PPP2R5A: variants seen among roughly 807,000 people sequenced by gnomAD.
PPP2R5A encodes serine/threonine-protein phosphatase 2A 56 kDa regulatory subunit alpha isoform.
A neutral mutation model predicts 64.2 loss-of-function variants in PPP2R5A; 25 were observed. That is an observed-to-expected ratio of 0.39 (90% CI 0.28 to 0.54). PPP2R5A has a LOEUF of 0.54. Among genes scored for constraint, PPP2R5A ranks in the 20% least tolerant of loss-of-function variants. PPP2R5A has a pLI of 0.67. For synonymous variants in PPP2R5A, 198 were observed against 201.2 expected (o/e 0.98, Z 0.13); for missense variants, 425 against 576.3 (o/e 0.74, Z 2.69).
rs1294703013 is a variant in PPP2R5A, at chr1:212,361,845, A to ATGTT, written c.*1079_*1082dup. On this transcript the variant is annotated 3_prime_UTR_variant, in exon 13 of 13. Transcript: ENST00000261461. Reference sequence around the variant, plus strand: ...GATTGAGCAGCATTTAATAAAGTCTATGTTTGTATTTTGCCTTATGTCATC... The same window carrying ATGTT: ...GATTGAGCAGCATTTAATAAAGTCTATGTTTGTTTGTATTTTGCCTTATGTCATC... The ATGTT allele has an allele frequency of 1.3e-5, 2 of 152,646 alleles. No homozygotes were observed. Among genetic ancestry groups the ATGTT allele is most frequent in the East Asian group, 3.8e-4 (2 of 5,202 alleles). The allele number at this position is 152,646 out of a possible 1,614,324, so 9.5% of individuals were successfully genotyped here.
In PPP2R5A at chr1:212,360,799, G is replaced by T; in HGVS notation, c.*29G>T. ...AAAAGCCTCCCACCTCTGCCGGATA[G>T]GCAGAGTTTTGTATGCTTTTTTGAA... On this transcript the variant is annotated 3_prime_UTR_variant, in exon 13 of 13. Transcript: ENST00000261461. The T allele has an allele frequency of 6.7e-7, 1 of 1,495,704 alleles. No individual in the cohort carries two copies. Among genetic ancestry groups the T allele is most frequent in the South Asian group, 1.4e-5 (1 of 71,918 alleles). The allele number at this position is 1,495,704 out of a possible 1,614,324, so 92.7% of individuals were successfully genotyped here.
chr1:212,353,521 CACT>C (rs778482090), intron 8 of PPP2R5A, among the ~76,000 whole-genome samples: 27 of 152,112 alleles, frequency 1.8e-4, no homozygotes, highest in Non-Finnish European at 2.9e-4. Context: ...CCAGTACCAC[CACT>C]GTTTCCCATG....
intron 1 of PPP2R5A, among the ~76,000 whole-genome samples, chr1:212,298,866 G>T (rs1658744203): frequency 2.4e-5 from 1 of 41,272 alleles, no homozygotes; most frequent in Non-Finnish European, 4.5e-5. Flanking sequence ...GGGGCGGCTG[G>T]CCAGGCGGGG....
chr1:212,359,712 T>C (rs776020042), intron 12 of PPP2R5A, among the ~76,000 whole-genome samples: 4 of 152,142 alleles, frequency 2.6e-5, no homozygotes, highest in African/African-American at 9.7e-5. Flanking sequence ...AAGTAGAAAA[T>C]GGATAGCCTT....
chr1:212,333,500 A>C lies in PPP2R5A; in HGVS notation c.382A>C (p.Ser128Arg). The C allele has an allele frequency of 6.5e-7, 1 of 1,537,214 alleles. No individual in the cohort carries two copies. The highest frequency in any genetic ancestry group is 1.4e-5 in the African/African-American group (1 of 71,892). Residue 128 changes from serine (S) to arginine (R), a missense_variant, in exon 3 of 13, where the codon AGT becomes CGT. This residue lies in a region of PPP2R5A where 140 missense variants were observed against 204.4 expected (regional missense o/e 0.68). Coordinates refer to ENST00000261461, the MANE Select transcript of PPP2R5A (RefSeq NM_006243.4). ...TAAAATTATTTTTTCTTTACAGATC[A>C]GTGCTAACATCTTCCGTACACTTCC... is the stretch of plus-strand genomic sequence containing the variant. Reference protein sequence around the residue: ...SAYSDIVKMISANIFRTLPPS... With the variant: ...SAYSDIVKMIRANIFRTLPPS...
At chr1:212,288,926 C>T (rs1253978670) in intron 1 of PPP2R5A, among the ~76,000 whole-genome samples, 1 of 152,180 alleles carries the variant, frequency 6.6e-6, no homozygotes, top group Non-Finnish European at 1.5e-5. Context: ...TTCCTCAAAC[C>T]ATAGTAAGGA....
At chr1:212,351,603 A>G (rs1659881137) in intron 8 of PPP2R5A, among the ~76,000 whole-genome samples, 1 of 152,068 alleles carries the variant, frequency 6.6e-6, no homozygotes, top group African/African-American at 2.4e-5. Context: ...AATCCCAGCT[A>G]CTTGGGAGAC....
chr1:212,347,562 G>T (rs541622503), intron 6 of PPP2R5A, among the ~76,000 whole-genome samples, 156 bp downstream of exon 6: 1 of 149,008 alleles, frequency 6.7e-6, no homozygotes, highest in African/African-American at 2.5e-5. Context: ...TTTTTGAGAC[G>T]GAGTTTCGCT....
At chr1:212,316,831 GT>G (rs1436969290) in intron 1 of PPP2R5A, among the ~76,000 whole-genome samples, 1 of 151,968 alleles carries the variant, frequency 6.6e-6, no homozygotes, top group Non-Finnish European at 1.5e-5. Context: ...AGAGTAATTG[GT>G]TAGGGATCTA....
At chr1:212,352,062 C>A (rs1163473273) in intron 8 of PPP2R5A, among the ~76,000 whole-genome samples, 2 of 150,728 alleles carry the variant, frequency 1.3e-5, no homozygotes, top group African/African-American at 2.4e-5. Context: ...CTCTGTTGCC[C>A]AGGCTGGAGT....
chr1:212,286,763 C>A (rs1344994508), intron 1 of PPP2R5A, among the ~76,000 whole-genome samples: 1 of 152,188 alleles, frequency 6.6e-6, no homozygotes, highest in Non-Finnish European at 1.5e-5. Context: ...CCACCTTCTT[C>A]TCAACTTCAC....
At position 212,360,711 on chromosome 1, in the gene PPP2R5A, G is replaced by T; in HGVS notation, c.1402G>T (p.Glu468Ter). Residue 468 changes from glutamate (E) to a stop codon, truncating the protein, a stop_gained, in exon 13 of 13, where the codon GAA (glutamate) becomes TAA (stop). Coordinates refer to ENST00000261461, the MANE Select transcript of PPP2R5A (RefSeq NM_006243.4). LOFTEE classifies it high-confidence loss of function. ...GGAGCTAAAGCTAAAGAAAGCTCTAGAAAAACAGAATAGTGCTTACAACAT... is the reference window on the plus strand; with the variant it reads ...GGAGCTAAAGCTAAAGAAAGCTCTATAAAAACAGAATAGTGCTTACAACAT... ...LEELKLKKAL[E>*]KQNSAYNMHS... The T allele has an allele frequency of 6.9e-6, 11 of 1,599,516 alleles. No homozygotes were observed. Among genetic ancestry groups the T allele is most frequent in the Non-Finnish European group, 9.4e-6 (11 of 1,173,550 alleles).
chr1:212,313,480 TC>T (rs780825611), intron 1 of PPP2R5A, among the ~76,000 whole-genome samples: 7 of 152,192 alleles, frequency 4.6e-5, no homozygotes, highest in Non-Finnish European at 1.0e-4. Flanking sequence ...GACCTTTTTT[TC>T]CTATAGATTT....
intron 3 of PPP2R5A, among the ~76,000 whole-genome samples, chr1:212,339,702 T>G (rs1430394506): frequency 6.6e-6 from 1 of 152,130 alleles, no homozygotes. Context: ...AGAATTCAGT[T>G]TGAGAGAATT....
intron 8 of PPP2R5A, chr1:212,352,823 T>C (rs370550519): frequency 1.9e-6 from 1 of 518,952 alleles, no homozygotes; most frequent in African/African-American, 1.9e-5. Flanking sequence ...ATTTATGGCC[T>C]TTATCAAAGC....
intron 1 of PPP2R5A, chr1:212,302,047 T>G (rs1240078073): frequency 6.6e-7 from 1 of 1,526,594 alleles, no homozygotes; most frequent in East Asian, 2.5e-5. Flanking sequence ...AGTTTATCAC[T>G]GATTTAATGA....
intron 1 of PPP2R5A, among the ~76,000 whole-genome samples, chr1:212,309,891 A>C (rs568859749): frequency 1.3e-5 from 2 of 152,318 alleles, no homozygotes; most frequent in East Asian, 1.9e-4. Flanking sequence ...AAGTCCTCAC[A>C]TCCTAAGGGT....
intron 8 of PPP2R5A, among the ~76,000 whole-genome samples, chr1:212,353,673 G>A (rs1224949272): frequency 6.6e-6 from 1 of 151,870 alleles, no homozygotes; most frequent in Non-Finnish European, 1.5e-5. Flanking sequence ...TACAGGTTCT[G>A]TTCCATTAAC....
chr1:212,331,454 C>T (rs1659503664), intron 2 of PPP2R5A: 1 of 151,654 alleles, frequency 6.6e-6, no homozygotes, highest in Non-Finnish European at 1.5e-5. Context: ...CATGCATGGG[C>T]CACCATGTCC....
Sources: gnomAD v4.1 joint callset for allele counts (sites outside exome capture counted in the v4.1 genomes callset) on GRCh38, gnomAD v4.1.1 for gene constraint, gnomAD v4.1.1 regional missense constraint, MANE v1.5 for transcripts, NCBI Gene and HGNC (gene_info 2026-07-23, HGNC 2026-07-21) for gene names.